Variants in NKAIN3 observed in about 807,000 individuals in gnomAD.
NKAIN3 encodes sodium/potassium-transporting ATPase subunit beta-1-interacting protein 3.
NKAIN3 carries 25 observed loss-of-function variants against 30.2 expected under a neutral mutation model. The observed-to-expected ratio is 0.83, with a 90% CI of 0.60 to 1.16. The LOEUF is 1.16. NKAIN3 is among the 50% of genes most tolerant of loss of function. NKAIN3 has a pLI of 0.00. For missense variants in NKAIN3, 225 were observed against 254.1 expected, an observed-to-expected ratio of 0.89 and a Z score of 0.78; for synonymous variants, 91 against 89.6, an observed-to-expected ratio of 1.02 and a Z score of -0.09.
At chr8:62,341,758 A>G (rs1815754088) in intron 1 of NKAIN3, among the ~76,000 whole-genome samples, 1 of 151,984 alleles carries the variant, frequency 6.6e-6, no homozygotes, top group African/African-American at 2.4e-5. Flanking sequence ...CTTGTGAATA[A>G]TTGGCAGGCT....
At chr8:62,939,818 A>C (rs1585600245) in intron 5 of NKAIN3, among the ~76,000 whole-genome samples, 1 of 152,130 alleles carries the variant, frequency 6.6e-6, no homozygotes, top group East Asian at 1.9e-4. Flanking sequence ...ACATAAATCT[A>C]ACAGGACCTA....
At chr8:62,997,958 A>T (rs564986667) in intron 5 of NKAIN3, among the ~76,000 whole-genome samples, 8 of 152,242 alleles carry the variant, frequency 5.3e-5, no homozygotes, top group South Asian at 4.1e-4. Flanking sequence ...GGTTGACATG[A>T]GGTTTGAGTT....
intron 4 of NKAIN3, among the ~76,000 whole-genome samples, chr8:62,767,307 G>A (rs1816871499): frequency 6.6e-6 from 1 of 152,104 alleles, no homozygotes; most frequent in South Asian, 2.1e-4. Flanking sequence ...TCAACTCAAT[G>A]ACTCTTAACT....
chr8:62,321,840 C>T (rs1388038040), intron 1 of NKAIN3, among the ~76,000 whole-genome samples: 1 of 152,170 alleles, frequency 6.6e-6, no homozygotes, highest in African/African-American at 2.4e-5. Flanking sequence ...GGGAGAACCA[C>T]TACTCTCTTC....
At chr8:62,411,300 A>G (rs893305022) in intron 1 of NKAIN3, among the ~76,000 whole-genome samples, 1 of 152,198 alleles carries the variant, frequency 6.6e-6, no homozygotes, top group Non-Finnish European at 1.5e-5. Flanking sequence ...AAGCAAAAAC[A>G]TGAGATCCTT....
At chr8:62,574,785 C>A (rs1400427082) in intron 1 of NKAIN3, among the ~76,000 whole-genome samples, 4 of 152,072 alleles carry the variant, frequency 2.6e-5, no homozygotes, top group Admixed American at 6.6e-5. Flanking sequence ...GTTTGCATTT[C>A]TCTGATGATC....
rs569902733 is a variant in NKAIN3, at chr8:62,262,352, C to G, written c.54+13225C>G. 3.3e-5 allele frequency among the ~76,000 whole-genome samples: 5 copies of G among 152,268 alleles called. No homozygotes were observed. The South Asian group carries it at 1.0e-3, about 32-fold the overall frequency. On this transcript the variant is annotated intron_variant, in intron 1 of 6. Coordinates refer to ENST00000623646, the MANE Select transcript of NKAIN3 (RefSeq NM_001304533.3). ...AAGTATTTTGCAGTTTTTGCATGCT[C>G]TATTTTCTTCAGCCGATGAACCACT...
chr8:62,316,809 G>A (rs1031480991), intron 1 of NKAIN3, among the ~76,000 whole-genome samples: 1 of 152,130 alleles, frequency 6.6e-6, no homozygotes, highest in Non-Finnish European at 1.5e-5. Flanking sequence ...TGGGATGGCT[G>A]GGTCAAATGG....
Position 62,845,092 on chromosome 8 carries a change from A to G in NKAIN3, c.472-73361A>G, listed in dbSNP as rs1351581862. ...GCCCCGACCTAGAACATATTTGGAC[A>G]TCACTAGAAATAAAAAAAAGGAATA... On this transcript the variant is annotated intron_variant, in intron 4 of 6. Coordinates refer to ENST00000623646, the MANE Select transcript of NKAIN3 (RefSeq NM_001304533.3). Among the ~76,000 whole-genome samples the G allele has an allele frequency of 4.6e-5, 7 of 151,740 alleles. No individual in the cohort carries two copies. The East Asian group carries it at 1.4e-3, about 29-fold the overall frequency.
At chr8:62,556,849 C>A (rs1210491187) in intron 1 of NKAIN3, among the ~76,000 whole-genome samples, 1 of 151,964 alleles carries the variant, frequency 6.6e-6, no homozygotes, top group East Asian at 1.9e-4. Context: ...TATTTTAACA[C>A]ACATGGTTTA....
intron 5 of NKAIN3, among the ~76,000 whole-genome samples, chr8:62,933,512 A>G (rs755205486): frequency 6.6e-6 from 1 of 152,210 alleles, no homozygotes; most frequent in African/African-American, 2.4e-5. Context: ...CTATTTAGGC[A>G]AACTCTCAGG....
chr8:62,504,770 G>T (rs529506654), intron 1 of NKAIN3, among the ~76,000 whole-genome samples: 2 of 152,220 alleles, frequency 1.3e-5, no homozygotes, highest in African/African-American at 4.8e-5. Flanking sequence ...AATTCCTTTA[G>T]CTGTCAATCT....
intron 1 of NKAIN3, among the ~76,000 whole-genome samples, chr8:62,275,696 A>G (rs1197956390): frequency 6.6e-6 from 1 of 152,238 alleles, no homozygotes; most frequent in Non-Finnish European, 1.5e-5. Context: ...AGTTTAGTGC[A>G]ATGAATCACA....
At chr8:62,389,475 T>A (rs1471638904) in intron 1 of NKAIN3, among the ~76,000 whole-genome samples, 1 of 152,204 alleles carries the variant, frequency 6.6e-6, no homozygotes, top group African/African-American at 2.4e-5. Context: ...TCTGGCCATC[T>A]CAGGGCAGCC....
chr8:62,399,141 C>G lies in NKAIN3; in HGVS notation c.54+150014C>G, dbSNP rs559770359. ...AAAATTTATATGGGATAAAACTACT[C>G]AACTTTTTTTGTTTCTATTATCTGG... On this transcript the variant is annotated intron_variant, in intron 1 of 6. Coordinates refer to ENST00000623646, the MANE Select transcript of NKAIN3 (RefSeq NM_001304533.3). 9.2e-5 allele frequency among the ~76,000 whole-genome samples: 14 copies of G among 152,206 alleles called. No individual in the cohort carries two copies. In the East Asian group the frequency reaches 1.5e-3, roughly 17 times the overall value.
intron 3 of NKAIN3, among the ~76,000 whole-genome samples, chr8:62,607,049 C>G (rs1811152081): frequency 6.6e-6 from 1 of 152,136 alleles, no homozygotes; most frequent in Non-Finnish European, 1.5e-5. Flanking sequence ...ATTGGGTGAT[C>G]ACATGAATAA....
intron 3 of NKAIN3, among the ~76,000 whole-genome samples, chr8:62,745,525 G>C (rs1010315151): frequency 6.6e-6 from 1 of 152,168 alleles, no homozygotes; most frequent in African/African-American, 2.4e-5. Flanking sequence ...GGTGGTTGCA[G>C]TCTTTGGATT....
chr8:62,577,394 C>T (rs893463045), intron 1 of NKAIN3, among the ~76,000 whole-genome samples: 1 of 151,070 alleles, frequency 6.6e-6, no homozygotes, highest in Non-Finnish European at 1.5e-5. Context: ...ATGAGTTTTT[C>T]TCTTTGAAAG....
intron 3 of NKAIN3, among the ~76,000 whole-genome samples, chr8:62,745,949 A>G (rs544997494): frequency 1.3e-5 from 2 of 152,328 alleles, no homozygotes; most frequent in South Asian, 4.1e-4. Context: ...TGGACAAATT[A>G]AATTACCTCA....
Sources: allele counts gnomAD v4.1 joint callset (sites outside exome capture counted in the v4.1 genomes callset), GRCh38; gene constraint gnomAD v4.1.1; transcripts MANE v1.5; gene names NCBI Gene and HGNC (gene_info 2026-07-23, HGNC 2026-07-21).